Variants in PARD3B observed in about 807,000 individuals in gnomAD.
PARD3B encodes the protein par-3 family cell polarity regulator beta, also known as partitioning defective 3 homolog B.
In PARD3B, 103 loss-of-function variants were observed where a neutral mutation model predicts 130.2. The ratio of observed to expected loss-of-function variants is 0.79; its 90% CI spans 0.67 to 0.93. The LOEUF (loss-of-function observed/expected upper bound fraction) is 0.93. Ranked by LOEUF, PARD3B falls within the 40% of genes least tolerant of loss-of-function variation. PARD3B has a pLI of 0.00. For synonymous variants in PARD3B, 583 were observed against 553.2 expected (o/e 1.05, Z -0.76); for missense variants, 1,609 against 1,499.2 (o/e 1.07, Z -1.21).
At chr2:205,073,727 A>T (rs1437537404) in intron 4 of PARD3B, among the ~76,000 whole-genome samples, 1 of 152,112 alleles carries the variant, frequency 6.6e-6, no homozygotes, top group Non-Finnish European at 1.5e-5. Flanking sequence ...TTCAATTCAC[A>T]CCAGGCGTTA....
chr2:204,833,875 G>A (rs1242687708), intron 2 of PARD3B, among the ~76,000 whole-genome samples: 5 of 152,158 alleles, frequency 3.3e-5, no homozygotes, highest in Non-Finnish European at 5.9e-5. Context: ...GGCCGTTAAC[G>A]TGACCCACAA....
chr2:205,607,763 T>C (rs549678984), intron 22 of PARD3B, among the ~76,000 whole-genome samples: 3 of 151,396 alleles, frequency 2.0e-5, no homozygotes, highest in African/African-American at 7.3e-5. Flanking sequence ...AGTAAGACAA[T>C]TGCCGTGGCA....
At chr2:204,974,466 A>G (rs1691968299) in intron 3 of PARD3B, among the ~76,000 whole-genome samples, 2 of 152,188 alleles carry the variant, frequency 1.3e-5, no homozygotes, top group South Asian at 4.1e-4. Context: ...TGTTGGAAAG[A>G]AAGTTGTTTT....
chr2:204,581,452 T>C (rs2032549952), intron 1 of PARD3B, among the ~76,000 whole-genome samples: 1 of 151,822 alleles, frequency 6.6e-6, no homozygotes, highest in Non-Finnish European at 1.5e-5. Context: ...AATGGTTATA[T>C]GGATTTTTTT....
At position 205,445,357 on chromosome 2, in the gene PARD3B, G is replaced by A. The variant is rs188194662; in HGVS notation, c.3044+4685G>A. Among the ~76,000 whole-genome samples, 5 of 152,308 alleles carry A rather than the reference G, an allele frequency of 3.3e-5. No individual in the cohort carries two copies. The East Asian group carries it at 9.7e-4, about 29-fold the overall frequency. On this transcript the variant is annotated intron_variant, in intron 20 of 22. Coordinates refer to ENST00000406610, the MANE Select transcript of PARD3B (RefSeq NM_001302769.2). ...GTGACTGGGTAATTTACAAAGAAAAGAGGTTTAATTGGCTCACAGTTCTGC... is the reference window on the plus strand; with the variant it reads ...GTGACTGGGTAATTTACAAAGAAAAAAGGTTTAATTGGCTCACAGTTCTGC...
intron 1 of PARD3B, among the ~76,000 whole-genome samples, chr2:204,550,237 A>C (rs1261919200): frequency 2.6e-5 from 4 of 152,150 alleles, no homozygotes; most frequent in Admixed American, 2.6e-4. Flanking sequence ...GATTATTTAT[A>C]ATACCTAATA....
chr2:205,115,751 G>T (rs545463901), intron 6 of PARD3B, among the ~76,000 whole-genome samples: 1 of 152,252 alleles, frequency 6.6e-6, no homozygotes, highest in South Asian at 2.1e-4. Context: ...TCAGACAAGT[G>T]TCTGACTTCA....
rs114059243 is a variant in PARD3B at position 205,599,468 on chromosome 2, T to A, written c.3261-15988T>A. 2.0e-3 allele frequency among the ~76,000 whole-genome samples: 298 copies of A among 152,202 alleles called. 1 individual carries two copies. Among genetic ancestry groups the A allele is most frequent in the African/African-American group, 6.7e-3 (277 of 41,534 alleles). The stretch of plus-strand genomic sequence containing the variant: ...AGAAGCCAATAACATGGCACCAACA[T>A]TTGAGAAAAGGAAGTCTTTATTGCA... On this transcript the variant is annotated intron_variant, in intron 22 of 22. Coordinates refer to ENST00000406610, the MANE Select transcript of PARD3B (RefSeq NM_001302769.2).
At chr2:204,681,229 T>C (rs2036817101) in intron 1 of PARD3B, among the ~76,000 whole-genome samples, 1 of 152,196 alleles carries the variant, frequency 6.6e-6, no homozygotes, top group Non-Finnish European at 1.5e-5. Context: ...GATATTAGGA[T>C]TAGTATGGCC....
intron 1 of PARD3B, among the ~76,000 whole-genome samples, chr2:204,621,030 AAG>A (rs1222429667): frequency 6.6e-6 from 1 of 152,200 alleles, no homozygotes; most frequent in Non-Finnish European, 1.5e-5. Flanking sequence ...ACATCAAAAT[AAG>A]AGGAATGCCA....
intron 2 of PARD3B, among the ~76,000 whole-genome samples, chr2:204,782,514 A>G (rs2041874089): frequency 6.7e-6 from 1 of 150,104 alleles, no homozygotes; most frequent in South Asian, 2.1e-4. Context: ...GTTATATAGT[A>G]TGTATGTAAT....
At chr2:205,107,317 G>A (rs1703297433) in intron 5 of PARD3B, among the ~76,000 whole-genome samples, 1 of 152,224 alleles carries the variant, frequency 6.6e-6, no homozygotes, top group African/African-American at 2.4e-5. Flanking sequence ...GATAAGTCTT[G>A]GGTTTGAGTA....
chr2:204,997,513 A>G (rs565270378), intron 3 of PARD3B, among the ~76,000 whole-genome samples: 1 of 151,112 alleles, frequency 6.6e-6, no homozygotes, highest in Non-Finnish European at 1.5e-5. Flanking sequence ...TTATAAAGAA[A>G]GTTACTAAAA....
chr2:204,962,075 C>T (rs1402153591), intron 2 of PARD3B, among the ~76,000 whole-genome samples: 1 of 152,128 alleles, frequency 6.6e-6, no homozygotes, highest in Non-Finnish European at 1.5e-5. Context: ...ATAGACTGAC[C>T]TTCCTGTGTC....
chr2:204,750,491 C>A lies in PARD3B; in HGVS notation c.222+64209C>A, dbSNP rs1013700661. 5.3e-5 allele frequency among the ~76,000 whole-genome samples: 8 copies of A among 152,270 alleles called. 1 individual carries two copies. Among genetic ancestry groups the A allele is most frequent in the African/African-American group, 1.9e-4 (8 of 41,580 alleles). ...GTCCCAGCTACTTGGGAGGGTGGGGCTGGAGAATCGTTTGAGCCCTGGAGG... is the reference window on the plus strand; with the variant it reads ...GTCCCAGCTACTTGGGAGGGTGGGGATGGAGAATCGTTTGAGCCCTGGAGG... On this transcript the variant is annotated intron_variant, in intron 2 of 22. Transcript: ENST00000406610.
At chr2:204,558,073 G>A (rs569507338) in intron 1 of PARD3B, 7 of 152,154 alleles carry the variant, frequency 4.6e-5, no homozygotes, top group African/African-American at 1.7e-4. Context: ...GCCTCCTGTT[G>A]CTGAACTCTC....
At chr2:204,593,819 A>G (rs1043247964) in intron 1 of PARD3B, among the ~76,000 whole-genome samples, 30 of 152,112 alleles carry the variant, frequency 2.0e-4, no homozygotes, top group Non-Finnish European at 4.4e-4. Flanking sequence ...CTCTGCCTTT[A>G]TCTTGCTTCT....
chr2:204,583,129 A>T (rs373578645), intron 1 of PARD3B, among the ~76,000 whole-genome samples: 217 of 141,656 alleles, frequency 1.5e-3, no homozygotes, highest in African/African-American at 5.6e-3. Context: ...TACTGGGTAT[A>T]TACCCAAATG....
At chr2:205,315,912 T>G (rs930494099) in intron 18 of PARD3B, among the ~76,000 whole-genome samples, 2 of 152,340 alleles carry the variant, frequency 1.3e-5, no homozygotes, top group Admixed American at 6.5e-5. Context: ...GTTTTTCCAT[T>G]GAGTACTTCC....
Sources: allele counts gnomAD v4.1 joint callset (sites outside exome capture counted in the v4.1 genomes callset), GRCh38; gene constraint gnomAD v4.1.1; transcripts MANE v1.5; gene names NCBI Gene and HGNC (gene_info 2026-07-23, HGNC 2026-07-21).